Variants in TF observed in about 807,000 individuals in gnomAD.
TF encodes serotransferrin.
In TF, 55 loss-of-function variants were observed where a neutral mutation model predicts 82.4. The observed-to-expected ratio is 0.67, with a 90% CI of 0.54 to 0.84. The LOEUF is 0.84. TF is among the 40% of genes least tolerant of loss of function. The pLI, the probability that TF is intolerant of heterozygous loss-of-function variation, is 0.00. For synonymous variants in TF, 332 were observed against 332.6 expected, an observed-to-expected ratio of 1.00 and a Z score of 0.02; for missense variants, 737 against 868.4, an observed-to-expected ratio of 0.85 and a Z score of 1.90.
At chr3:133,669,328 C>A in the TF span, among the ~76,000 whole-genome samples, 2 of 152,238 alleles carry the variant, frequency 1.3e-5, no homozygotes, top group Non-Finnish European at 2.9e-5. Flanking sequence ...GCCTGTGTTT[C>A]TTTACTTGTC....
the TF span, among the ~76,000 whole-genome samples, chr3:133,713,704 G>C: frequency 6.6e-6 from 1 of 152,184 alleles, no homozygotes; most frequent in African/African-American, 2.4e-5. Flanking sequence ...GCTGCTTTTA[G>C]CTTCCTCAGG....
chr3:133,738,646 A>G, the TF span, among the ~76,000 whole-genome samples: 2 of 152,240 alleles, frequency 1.3e-5, no homozygotes, highest in African/African-American at 4.8e-5. Flanking sequence ...TGCAAAAATC[A>G]CAAGCATTCC....
chr3:133,776,834 G>A lies in TF; in HGVS notation c.1873-215G>A, dbSNP rs41296604. On this transcript the variant is annotated intron_variant, in intron 15 of 16. Transcript: ENST00000402696. ...CTTATCAGAGGAAGGTGGGACCAGG[G>A]ACCCTATAGATGATTTTGGGGGCAT... 4.5e-3 allele frequency among the ~76,000 whole-genome samples: 692 copies of A among 152,248 alleles called. 7 individuals carry two copies. The highest frequency in any genetic ancestry group is 0.01 in the Middle Eastern group (3 of 294).
chr3:133,664,011 A>G, the TF span, among the ~76,000 whole-genome samples: 1 of 152,156 alleles, frequency 6.6e-6, no homozygotes, highest in South Asian at 2.1e-4. Flanking sequence ...CTCCTGGAAA[A>G]TGGATAAAGC....
the TF span, chr3:133,700,860 A>G: frequency 6.6e-6 from 1 of 152,540 alleles, no homozygotes; most frequent in Non-Finnish European, 1.5e-5. Context: ...TTCCTTCACC[A>G]TCTCTTTTGT....
the TF span, among the ~76,000 whole-genome samples, chr3:133,705,387 T>G: frequency 1.9e-4 from 29 of 152,122 alleles, no homozygotes; most frequent in African/African-American, 7.0e-4. Context: ...AAAATAATGA[T>G]TGCCTACCAC....
chr3:133,790,315 G>T lies in TF; in HGVS notation c.*11695G>T, dbSNP rs368459107. The T allele has an allele frequency of 1.3e-5, 2 of 152,098 alleles. No individual in the cohort carries two copies. The highest frequency in any genetic ancestry group is 2.4e-5 in the African/African-American group (1 of 41,416). 9.4% of individuals were successfully genotyped at this position (152,098 alleles called of 1,614,324 possible). ...AGTTCAGGATTTCTAGCTTTTTAGC[G>T]TTTCACTAAAGTTTTAGGTTACTAA... On this transcript the variant is annotated 3_prime_UTR_variant, in exon 17 of 17. Transcript: ENST00000402696.
At chr3:133,725,854 T>C in the TF span, among the ~76,000 whole-genome samples, 1 of 152,028 alleles carries the variant, frequency 6.6e-6, no homozygotes, top group Non-Finnish European at 1.5e-5. Context: ...TTATTGAGAG[T>C]TTTTAGCATG....
chr3:133,776,290 G>C (rs1420700031), intron 15 of TF, among the ~76,000 whole-genome samples: 2 of 152,202 alleles, frequency 1.3e-5, no homozygotes, highest in Non-Finnish European at 2.9e-5. Context: ...CCCTCGGAGA[G>C]CCTGCCCTCT....
chr3:133,738,439 C>T, the TF span, among the ~76,000 whole-genome samples: 3 of 152,136 alleles, frequency 2.0e-5, no homozygotes, highest in Non-Finnish European at 2.9e-5. Flanking sequence ...TCCTATTCAA[C>T]ATAGTATTGA....
At chr3:133,750,666 C>T (rs8177319) in intron 2 of TF, among the ~76,000 whole-genome samples, 2,515 of 152,198 alleles carry the variant, frequency 0.017, 28 homozygotes, top group Non-Finnish European at 0.025. Context: ...CCTGAGCCCC[C>T]GAGGCACCAG....
At chr3:133,704,753 T>C in the TF span, among the ~76,000 whole-genome samples, 3,529 of 152,298 alleles carry the variant, frequency 0.023, 70 homozygotes, top group African/African-American at 0.046. Flanking sequence ...CCACATGTGC[T>C]CATGATCCTT....
In TF at chr3:133,767,909, G is replaced by C. The variant is rs1484119652; in HGVS notation, c.1487-120G>C. 2.3e-6 allele frequency: 3 copies of C among 1,300,810 alleles called. No individual in the cohort carries two copies. In the African/African-American group the frequency reaches 4.4e-5, roughly 19 times the overall value. 80.6% of individuals were successfully genotyped at this position (1,300,810 alleles called of 1,614,324 possible). A position where few individuals can be genotyped will look rare whatever the true frequency, so the allele number is the denominator to read the frequency against. On this transcript the variant is annotated intron_variant, in intron 12 of 16. Coordinates refer to ENST00000402696, the MANE Select transcript of TF (RefSeq NM_001063.4). The stretch of plus-strand genomic sequence containing the variant: ...GGCAAGTCCTGGGTTGGTGGTGGCT[G>C]GTCACAGAATTAATGAATATGTTCT...
chr3:133,731,044 A>C, the TF span, among the ~76,000 whole-genome samples: 1 of 152,254 alleles, frequency 6.6e-6, no homozygotes, highest in Admixed American at 6.5e-5. Flanking sequence ...ATTATTTGCA[A>C]ATCTGTATAG....
At chr3:133,733,873 A>C in the TF span, among the ~76,000 whole-genome samples, 156 of 98,348 alleles carry the variant, frequency 1.6e-3, no homozygotes, top group South Asian at 0.032. Flanking sequence ...AAAACAAAAA[A>C]AAAAAAAACA....
rs899982555 is a variant in TF at position 133,788,961 on chromosome 3, T to A, written c.*10341T>A. ...ATGGGATAATGTGGCCTTATCAAAT[T>A]ATAAGGATGCTAAACGCCAGTGATT... On this transcript the variant is annotated 3_prime_UTR_variant, in exon 17 of 17. Coordinates refer to ENST00000402696, the MANE Select transcript of TF (RefSeq NM_001063.4). 29 of 152,316 alleles carry A rather than the reference T, an allele frequency of 1.9e-4. No homozygotes were observed. The highest frequency in any genetic ancestry group is 6.8e-3 in the Middle Eastern group (2 of 296). 9.4% of individuals were successfully genotyped at this position (152,316 alleles called of 1,614,324 possible).
Position 133,754,679 on chromosome 3 carries a change from G to A in TF, c.502+8G>A. ...GTAAACCTCTTGAGAAAGGTAAGCT[G>A]GCAGGAGTCTGGGTGCCCTCGAGCA... On this transcript the variant is annotated splice_region_variant and intron_variant, in intron 4 of 16. Coordinates refer to ENST00000402696, the MANE Select transcript of TF (RefSeq NM_001063.4). 1 of 1,614,110 alleles carries A rather than the reference G, an allele frequency of 6.2e-7. No individual in the cohort carries two copies. Among genetic ancestry groups the A allele is most frequent in the Non-Finnish European group, 8.5e-7 (1 of 1,180,022 alleles).
chr3:133,670,015 C>T, the TF span, among the ~76,000 whole-genome samples: 1 of 152,190 alleles, frequency 6.6e-6, no homozygotes, highest in African/African-American at 2.4e-5. Flanking sequence ...TTTAAACAAA[C>T]ATGGTGCCCC....
intron 9 of TF, among the ~76,000 whole-genome samples, chr3:133,763,087 AAGG>A (rs1232711412): frequency 1.3e-5 from 2 of 152,198 alleles, no homozygotes; most frequent in East Asian, 3.8e-4. Flanking sequence ...TTGTCAGTAT[AAGG>A]AGTTTTCTGA....
Sources: allele counts gnomAD v4.1 joint callset (sites outside exome capture counted in the v4.1 genomes callset), GRCh38; gene constraint gnomAD v4.1.1; transcripts MANE v1.5; gene names NCBI Gene and HGNC (gene_info 2026-07-23, HGNC 2026-07-21).